Variants in URGCP observed in about 807,000 individuals in gnomAD.
URGCP encodes the protein upregulator of cell proliferation, also known as up-regulator of cell proliferation.
A neutral mutation model predicts 24.6 loss-of-function variants in URGCP; 13 were observed. The ratio of observed to expected loss-of-function variants is 0.53; its 90% confidence interval spans 0.34 to 0.84. The LOEUF is 0.84. Ranked by LOEUF, URGCP falls within the 40% of genes least tolerant of loss-of-function variation. The pLI is 0.01. For synonymous variants in URGCP, 444 were observed against 487.2 expected (o/e 0.91, Z 1.17); for missense variants, 899 against 1,194.3 (o/e 0.75, Z 3.64).
intron 1 of URGCP, among the ~76,000 whole-genome samples, chr7:43,920,820 C>T (rs916423900): frequency 6.6e-6 from 1 of 152,138 alleles, no homozygotes; most frequent in Non-Finnish European, 1.5e-5. Context: ...CAATTAAAAG[C>T]AGATAGGTCC....
exon 1 of URGCP, chr7:43,926,345 G>A: frequency 3.6e-6 from 1 of 280,620 alleles, no homozygotes; most frequent in Non-Finnish European, 6.2e-6. Flanking sequence ...GCGTAACCCG[G>A]GCAGCCCCGC....
Position 43,918,771 on chromosome 7 carries a change from T to C in URGCP, c.-116+7361A>G, listed in dbSNP as rs117892947. 3,042 of 888,374 alleles carry C rather than the reference T, an allele frequency of 3.4e-3. 137 individuals are homozygous for C. The East Asian group carries it at 0.071, about 21-fold the overall frequency. 55.0% of individuals were successfully genotyped at this position (888,374 alleles called of 1,614,324 possible). A position where few individuals can be genotyped will look rare whatever the true frequency, so the allele number is the denominator to read the frequency against. The stretch of plus-strand genomic sequence containing the variant: ...TGGGTTCGAGTTCTGGAAACAGCTG[T>C]GCACTGAGCATGGTATCAGCCCCAA... On this transcript the variant is annotated intron_variant, in intron 1 of 5. Coordinates refer to the URGCP transcript ENST00000426198.
In URGCP at chr7:43,878,060, T is replaced by C. The variant is rs2095847991; in HGVS notation, c.1403A>G (p.Glu468Gly). The C allele has an allele frequency of 6.2e-7, 1 of 1,614,074 alleles. No individual in the cohort carries two copies. Among genetic ancestry groups the C allele is most frequent in the African/African-American group, 1.3e-5 (1 of 74,906 alleles). Reference protein sequence around the residue: ...LGLKVDEDCEECQKAKDRMER... With the variant: ...LGLKVDEDCEGCQKAKDRMER... ...CATCCGGTCTTTCGCTTTCTGACACTCCTCACAGTCCTCGTCGACCTTTAG... is the reference window on the plus strand; with the variant it reads ...CATCCGGTCTTTCGCTTTCTGACACCCCTCACAGTCCTCGTCGACCTTTAG... The change falls in exon 6 of 6, where the codon GAG (glutamate) becomes GGG (glycine). Residue 468 changes from glutamate (E) to glycine (G), a missense_variant. Coordinates refer to ENST00000453200, the MANE Select transcript of URGCP (RefSeq NM_001077663.3). The surrounding 1 kb of genome is among the most constrained non-coding windows in gnomAD (Gnocchi z 5.6).
chr7:43,904,027 C>A (rs2095896506), intron 1 of URGCP, among the ~76,000 whole-genome samples: 2 of 152,246 alleles, frequency 1.3e-5, no homozygotes, highest in African/African-American at 4.8e-5. Flanking sequence ...GGGGAGATGG[C>A]AGCATGAGCT....
chr7:43,897,289 A>G (rs546886865), intron 1 of URGCP, among the ~76,000 whole-genome samples: 8 of 152,386 alleles, frequency 5.2e-5, no homozygotes, highest in Admixed American at 4.6e-4. Flanking sequence ...GGCACAGGCC[A>G]AGGTCAGGTG....
intron 1 of URGCP, among the ~76,000 whole-genome samples, chr7:43,896,314 G>A (rs1165502858): frequency 6.6e-6 from 1 of 152,016 alleles, no homozygotes; most frequent in Non-Finnish European, 1.5e-5. Flanking sequence ...AAATTAGCTG[G>A]GCGTGGTGGC....
chr7:43,925,932 A>G (rs957440259), intron 1 of URGCP, among the ~76,000 whole-genome samples: 1 of 151,764 alleles, frequency 6.6e-6, no homozygotes, highest in African/African-American at 2.4e-5. Context: ...TAGGAAGGAG[A>G]CAGATAATTA....
At chr7:43,926,478 G>A (rs2095930736), upstream of URGCP, 2 of 1,425,776 alleles carry the variant, frequency 1.4e-6, no homozygotes, top group Non-Finnish European at 1.9e-6. Flanking sequence ...AGCCGGCAGC[G>A]GGCCGCCTCA....
At chr7:43,880,330 T>G (rs1420463516) in intron 5 of URGCP, among the ~76,000 whole-genome samples, 1 of 152,200 alleles carries the variant, frequency 6.6e-6, no homozygotes, top group Non-Finnish European at 1.5e-5. Flanking sequence ...CAATATAAGA[T>G]CTTATAAGCT....
Position 43,877,318 on chromosome 7 carries a change from C to A in URGCP, c.2145G>T (p.Leu715=), listed in dbSNP as rs566674367. The part of the protein sequence containing the change: ...KSTLLNTMFG[L]RFATGKSCGP... ...CGCAGCTCTTCCCTGTGGCAAACCG[C>A]AGCCCAAACATGGTGTTGAGGAGTG... The change falls in exon 6 of 6, where the codon CTG becomes CTT. Residue 715 remains leucine, a synonymous_variant. Coordinates refer to ENST00000453200, the MANE Select transcript of URGCP (RefSeq NM_001077663.3). 1.9e-6 allele frequency: 3 copies of A among 1,613,046 alleles called. No homozygotes were observed. The Admixed American group carries it at 5.0e-5, about 27-fold the overall frequency.
At chr7:43,912,585 T>C (rs1454887284) in intron 1 of URGCP, among the ~76,000 whole-genome samples, 1 of 124,748 alleles carries the variant, frequency 8.0e-6, no homozygotes, top group African/African-American at 3.3e-5. Flanking sequence ...AACTTTAGGA[T>C]GGGTTTTTCT....
upstream of URGCP, chr7:43,910,960 A>C (rs559793706): frequency 6.6e-6 from 1 of 152,356 alleles, no homozygotes; most frequent in East Asian, 1.9e-4. Context: ...AGATCCCCAA[A>C]AAATATGAAG....
intron 3 of URGCP, among the ~76,000 whole-genome samples, chr7:43,885,012 C>T (rs1163728771): frequency 6.6e-6 from 1 of 151,962 alleles, no homozygotes; most frequent in Non-Finnish European, 1.5e-5. Context: ...TTCAGCTTCT[C>T]GATCTGGTTT....
intron 1 of URGCP, 123 bp downstream of exon 1, chr7:43,906,439 G>A (rs2095903084): frequency 9.8e-7 from 1 of 1,017,060 alleles, no homozygotes; most frequent in Non-Finnish European, 1.2e-6. Flanking sequence ...GGCGGGCGGG[G>A]GCGCCCCTGG....
intron 1 of URGCP, among the ~76,000 whole-genome samples, chr7:43,897,580 A>G (rs1262373956): frequency 6.6e-6 from 1 of 152,126 alleles, no homozygotes; most frequent in East Asian, 1.9e-4. Flanking sequence ...GAGGAAGAGG[A>G]AGAGAAAAAA....
In URGCP at chr7:43,906,581, C is replaced by G; in HGVS notation, c.-6G>C. The G allele has an allele frequency of 1.6e-6, 2 of 1,238,786 alleles. No homozygotes were observed. The highest frequency in any genetic ancestry group is 2.0e-6 in the Non-Finnish European group (2 of 983,008). 76.7% of individuals were successfully genotyped at this position (1,238,786 alleles called of 1,614,324 possible). On this transcript the variant is annotated 5_prime_UTR_variant, in exon 1 of 6. Coordinates refer to ENST00000453200, the MANE Select transcript of URGCP (RefSeq NM_001077663.3). ...ACTCACCCGGGCGACGCCATGAGCG[C>G]AGCGAGGTCTCCGCTCCCGCCTCCT...
At chr7:43,912,819 G>GT (rs965970411) in intron 1 of URGCP, among the ~76,000 whole-genome samples, 2 of 151,304 alleles carry the variant, frequency 1.3e-5, no homozygotes, top group Non-Finnish European at 2.9e-5. Context: ...CTCAGCTTTT[G>GT]TTTTTCTGTG....
At chr7:43,924,844 T>C (rs958559026) in intron 1 of URGCP, among the ~76,000 whole-genome samples, 2 of 152,170 alleles carry the variant, frequency 1.3e-5, no homozygotes, top group African/African-American at 4.8e-5. Context: ...CCATCACAAC[T>C]CACTGCAACT....
At chr7:43,901,653 C>T (rs916879386) in intron 1 of URGCP, among the ~76,000 whole-genome samples, 6 of 152,268 alleles carry the variant, frequency 3.9e-5, no homozygotes, top group East Asian at 1.9e-4. Flanking sequence ...GTGTGGTTTA[C>T]GGGGCCCCCT....
Sources: allele counts gnomAD v4.1 joint callset (sites outside exome capture counted in the v4.1 genomes callset), GRCh38; gene constraint gnomAD v4.1.1; non-coding constraint Gnocchi (gnomAD v3.1); transcripts MANE v1.5; gene names NCBI Gene and HGNC (gene_info 2026-07-23, HGNC 2026-07-21).